The following LRP1B variants were observed in gnomAD, a reference collection of about 807,000 sequenced individuals.
LRP1B encodes LDL receptor related protein 1B.
LRP1B carries 217 observed loss-of-function variants against 556.6 expected under a neutral mutation model. The ratio of observed to expected loss-of-function variants is 0.39; its 90% confidence interval spans 0.35 to 0.44. The LOEUF is 0.44. Ranked by LOEUF, LRP1B falls within the 20% of genes least tolerant of loss-of-function variation. LRP1B has a pLI of 1.00. For missense variants in LRP1B, 5,053 were observed against 5,620.8 expected (o/e 0.90, Z 3.23); for synonymous variants, 2,047 against 1,865.8 (o/e 1.10, Z -2.50).
rs2105222564 is a variant in LRP1B at position 140,902,954 on chromosome 2, C to T, written c.3732G>A (p.Lys1244=). 4 of 1,613,624 alleles carry T rather than the reference C, an allele frequency of 2.5e-6. No individual in the cohort carries two copies. In the South Asian group the frequency reaches 4.4e-5, roughly 18 times the overall value. The change falls in exon 23 of 91, where the codon AAG becomes AAA. Residue 1244 remains lysine (K), a synonymous_variant. Coordinates refer to ENST00000389484, the MANE Select transcript of LRP1B (RefSeq NM_018557.3). ...TACAACTTTCACCGTCTACATCCAG[C>T]TTCCAACCTTCATAACATGAGCACT... is the stretch of plus-strand genomic sequence containing the variant. The part of the protein sequence containing the change: ...TVKCSCYEGW[K]LDVDGESCTS...
intron 1 of LRP1B, among the ~76,000 whole-genome samples, chr2:141,823,984 T>G (rs1377196749): frequency 6.6e-6 from 1 of 152,178 alleles, no homozygotes; most frequent in East Asian, 1.9e-4. Context: ...GGACTAAATT[T>G]AAATTTAAAC....
chr2:141,966,129 A>G (rs190118221), intron 1 of LRP1B, among the ~76,000 whole-genome samples: 4 of 151,984 alleles, frequency 2.6e-5, no homozygotes. Context: ...AGCAAGGCTT[A>G]TATTCATCAT....
intron 28 of LRP1B, among the ~76,000 whole-genome samples, 188 bp downstream of exon 28, chr2:140,851,464 A>G (rs532700735): frequency 1.3e-5 from 2 of 152,330 alleles, no homozygotes; most frequent in South Asian, 4.1e-4. Flanking sequence ...TATTTAAAGA[A>G]TTTGTCAGTC....
chr2:141,366,339 T>C (rs1046844086), intron 3 of LRP1B, among the ~76,000 whole-genome samples: 1 of 152,232 alleles, frequency 6.6e-6, no homozygotes, highest in African/African-American at 2.4e-5. Flanking sequence ...TGATCTGAAA[T>C]CTTTAGTTAC....
chr2:141,657,192 A>T (rs1206969084), intron 2 of LRP1B, among the ~76,000 whole-genome samples: 1 of 152,136 alleles, frequency 6.6e-6, no homozygotes, highest in Non-Finnish European at 1.5e-5. Context: ...TTAACAATGC[A>T]AAATGTTTGT....
chr2:141,774,473 A>G (rs1694996358), intron 2 of LRP1B, among the ~76,000 whole-genome samples: 1 of 152,114 alleles, frequency 6.6e-6, no homozygotes, highest in South Asian at 2.1e-4. Context: ...GTGCTGGGCC[A>G]TTCATGAGGG....
chr2:141,775,432 T>A (rs1695031814), intron 2 of LRP1B, among the ~76,000 whole-genome samples: 1 of 152,228 alleles, frequency 6.6e-6, no homozygotes, highest in Non-Finnish European at 1.5e-5. Flanking sequence ...AACTTCTTAC[T>A]GGTAGCTCAG....
intron 1 of LRP1B, among the ~76,000 whole-genome samples, chr2:141,944,905 T>A (rs1241887665): frequency 1.3e-5 from 2 of 152,194 alleles, no homozygotes; most frequent in East Asian, 3.9e-4. Context: ...TTTAACTGGT[T>A]TCTGTCAAGA....
intron 2 of LRP1B, among the ~76,000 whole-genome samples, chr2:141,630,131 A>C (rs939608657): frequency 6.6e-6 from 1 of 152,220 alleles, no homozygotes; most frequent in East Asian, 1.9e-4. Context: ...AAAATGTTTT[A>C]TTGGACAAAT....
intron 11 of LRP1B, among the ~76,000 whole-genome samples, chr2:141,023,015 A>G (rs1292142376): frequency 6.6e-6 from 1 of 151,880 alleles, no homozygotes; most frequent in Non-Finnish European, 1.5e-5. Flanking sequence ...TAAGAAAAAA[A>G]AATTCCAGTA....
At chr2:140,930,237 T>TG (rs1371191725) in intron 20 of LRP1B, among the ~76,000 whole-genome samples, 1 of 152,118 alleles carries the variant, frequency 6.6e-6, no homozygotes, top group Non-Finnish European at 1.5e-5. Flanking sequence ...ATGTTGCTGA[T>TG]GCCAGTTATA....
intron 67 of LRP1B, 117 bp downstream of exon 67, chr2:140,385,776 T>C: frequency 1.4e-6 from 1 of 721,052 alleles, no homozygotes; most frequent in Non-Finnish European, 2.5e-6. Context: ...AATATATGCA[T>C]AAAAATGTGA....
chr2:140,452,500 C>T, intron 62 of LRP1B, among the ~76,000 whole-genome samples: 1 of 152,056 alleles, frequency 6.6e-6, no homozygotes. Flanking sequence ...CAATATTCAT[C>T]TAGAATTGAA....
chr2:140,327,907 G>A (rs1680575915), intron 79 of LRP1B, among the ~76,000 whole-genome samples: 1 of 151,904 alleles, frequency 6.6e-6, no homozygotes, highest in South Asian at 2.1e-4. Flanking sequence ...GTTTATGGAT[G>A]AATGGAATTT....
At chr2:141,456,779 G>A (rs1681647733) in intron 3 of LRP1B, among the ~76,000 whole-genome samples, 1 of 152,128 alleles carries the variant, frequency 6.6e-6, no homozygotes, top group South Asian at 2.1e-4. Context: ...TCAAGTAGTG[G>A]GAACAAGATA....
intron 1 of LRP1B, among the ~76,000 whole-genome samples, chr2:141,978,261 TAAA>T (rs1701940613): frequency 6.6e-6 from 1 of 152,076 alleles, no homozygotes; most frequent in South Asian, 2.1e-4. Flanking sequence ...TGCCAATTAC[TAAA>T]AAACCTAATG....
At chr2:140,617,673 A>C (rs1232774642) in intron 41 of LRP1B, among the ~76,000 whole-genome samples, 1 of 152,046 alleles carries the variant, frequency 6.6e-6, no homozygotes, top group Non-Finnish European at 1.5e-5. Context: ...GAGATAAAGG[A>C]CTTTCTATTC....
rs116081302 is a variant in LRP1B, at chr2:141,436,269, T to G, written c.343+44127A>C. Among the ~76,000 whole-genome samples the G allele has an allele frequency of 4.4e-3, 674 of 152,244 alleles. 6 individuals are homozygous for G. Among genetic ancestry groups the G allele is most frequent in the African/African-American group, 0.016 (651 of 41,544 alleles). ...TGTAGTTACCATTGTTTCTGATGTG[T>G]GGTGAAGACACTTAAGATCTATTAG... On this transcript the variant is annotated intron_variant, in intron 3 of 90. Transcript: ENST00000389484.
At chr2:141,551,710 T>C (rs1685756284) in intron 2 of LRP1B, among the ~76,000 whole-genome samples, 1 of 152,064 alleles carries the variant, frequency 6.6e-6, no homozygotes. Flanking sequence ...CACCCCACAT[T>C]GGCTCTCCAA....
Sources: allele counts gnomAD v4.1 joint callset (sites outside exome capture counted in the v4.1 genomes callset), GRCh38; gene constraint gnomAD v4.1.1; transcripts MANE v1.5; gene names NCBI Gene and HGNC (gene_info 2026-07-23, HGNC 2026-07-21).